TMEM100: variants seen among roughly 807,000 people sequenced by gnomAD.
TMEM100 encodes transmembrane protein 100.
For synonymous variants in TMEM100, 61 were observed against 67.1 expected (o/e 0.91, Z 0.44); for missense variants, 137 against 168.2 (o/e 0.81, Z 1.02).
upstream of TMEM100, among the ~76,000 whole-genome samples, chr17:55,726,314 G>T (rs571206558): frequency 2.6e-5 from 4 of 152,222 alleles, no homozygotes; most frequent in Middle Eastern, 3.4e-3. Flanking sequence ...TTACTTAGGG[G>T]AGAGGGGTCT....
chr17:55,720,568 G>T lies in TMEM100; in HGVS notation c.*98C>A. 3 of 928,890 alleles carry T rather than the reference G, an allele frequency of 3.2e-6. No individual in the cohort carries two copies. Among genetic ancestry groups the T allele is most frequent in the Non-Finnish European group, 4.5e-6 (3 of 668,706 alleles). The allele number at this position is 928,890 out of a possible 1,614,324, so 57.5% of individuals were successfully genotyped here. ...CCCCATTCTTCCAGTCTGCTCCAAC[G>T]CCAAGTCTGTTCTCTCCCACCATGG... On this transcript the variant is annotated 3_prime_UTR_variant, in exon 2 of 2. Transcript: ENST00000424486.
At chr17:55,729,071 T>A (rs1909139529) in intron 1 of TMEM100, among the ~76,000 whole-genome samples, 1 of 152,236 alleles carries the variant, frequency 6.6e-6, no homozygotes, top group Non-Finnish European at 1.5e-5. Flanking sequence ...TTGGACTTTC[T>A]TTTGAGAGCA....
Position 55,720,538 on chromosome 17 carries a change from C to A in TMEM100, c.*128G>T. 168 of 723,970 alleles carry A rather than the reference C, an allele frequency of 2.3e-4. No individual in the cohort carries two copies. Among genetic ancestry groups the A allele is most frequent in the Middle Eastern group, 4.5e-4 (1 of 2,226 alleles). 44.8% of individuals were successfully genotyped at this position (723,970 alleles called of 1,614,324 possible). A position where few individuals can be genotyped will look rare whatever the true frequency, so the allele number is the denominator to read the frequency against. The stretch of plus-strand genomic sequence containing the variant: ...CACAAAGGAGAAGCCCCTCCACCCT[C>A]CCACCCCCATTCTTCCAGTCTGCTC... On this transcript the variant is annotated 3_prime_UTR_variant, in exon 2 of 2. Coordinates refer to ENST00000424486, the MANE Select transcript of TMEM100 (RefSeq NM_018286.3).
At position 55,720,760 on chromosome 17, in the gene TMEM100, G is replaced by A. The variant is rs1002929151; in HGVS notation, c.311C>T (p.Ala104Val). 2.5e-6 allele frequency: 4 copies of A among 1,614,198 alleles called. No homozygotes were observed. The highest frequency in any genetic ancestry group is 4.5e-5 in the East Asian group (2 of 44,882). The part of the protein sequence containing the change: ...SSGLFLLASS[A>V]LCWKVRQRSK... ...CCTTTGTCTCACTTTCCAGCACAAG[G>A]CACTGGAGGCTAGTAAAAAAAGTCC... Residue 104 changes from alanine (A) to valine (V), a missense_variant, in exon 2 of 2, where the codon GCC becomes GTC. Ala to Val is a moderately conservative substitution (Grantham distance 64). Transcript: ENST00000424486.
chr17:55,722,705 T>C lies in TMEM100; in HGVS notation c.-152A>G, dbSNP rs576653351. 2 of 152,176 alleles carry C rather than the reference T, an allele frequency of 1.3e-5. No homozygotes were observed. Among genetic ancestry groups the C allele is most frequent in the Non-Finnish European group, 2.9e-5 (2 of 68,032 alleles). The allele number at this position is 152,176 out of a possible 1,614,324, so 9.4% of individuals were successfully genotyped here. A position where few individuals can be genotyped will look rare whatever the true frequency, so the allele number is the denominator to read the frequency against. ...CGCCTGAGCCTCTTCGTCCAACTTC[T>C]GGGAAAGAGCCTCTAACAGCAAGGC... On this transcript the variant is annotated 5_prime_UTR_variant, in exon 1 of 2. Coordinates refer to ENST00000424486, the MANE Select transcript of TMEM100 (RefSeq NM_018286.3).
rs768283137 is a variant in TMEM100 at position 55,721,035 on chromosome 17, G to A, written c.36C>T (p.Ala12=). 38 of 1,613,404 alleles carry A rather than the reference G, an allele frequency of 2.4e-5. No individual in the cohort carries two copies. The highest frequency in any genetic ancestry group is 1.6e-4 in the Middle Eastern group (1 of 6,078). ...TEEPIKEILG[A]PKAHMAATME... is the part of the protein sequence containing the mutation. ...TCGTCGCTGCCATGTGAGCCTTTGG[G>A]GCTCCCAGGATCTCCTTGATGGGCT... Residue 12 remains alanine (A), a synonymous_variant, in exon 2 of 2, where the codon GCC becomes GCT. Transcript: ENST00000424486.
At chr17:55,723,264 C>T (rs1192651587), upstream of TMEM100, among the ~76,000 whole-genome samples, 1 of 151,768 alleles carries the variant, frequency 6.6e-6, no homozygotes, top group African/African-American at 2.4e-5. Context: ...CATCAGGCAG[C>T]TGAATTCAGT....
upstream of TMEM100, among the ~76,000 whole-genome samples, chr17:55,727,120 G>T (rs961534057): frequency 2.0e-5 from 3 of 152,170 alleles, no homozygotes; most frequent in African/African-American, 4.8e-5. Flanking sequence ...AAATAGAGCT[G>T]AGTAAATAAT....
At chr17:55,731,653 G>A (rs551360844) in intron 1 of TMEM100, 5 of 152,168 alleles carry the variant, frequency 3.3e-5, no homozygotes, top group Non-Finnish European at 2.9e-5. Flanking sequence ...TGCAACATCT[G>A]TCAGCAAAGC....
intron 1 of TMEM100, among the ~76,000 whole-genome samples, chr17:55,731,012 C>T (rs536979661): frequency 1.3e-5 from 2 of 152,222 alleles, no homozygotes; most frequent in South Asian, 4.1e-4. Flanking sequence ...AGAATGAGAA[C>T]ACGATGTTTC....
chr17:55,726,350 G>A (rs1262096882), upstream of TMEM100, among the ~76,000 whole-genome samples: 1 of 152,094 alleles, frequency 6.6e-6, no homozygotes, highest in East Asian at 1.9e-4. Context: ...CAGGGAGCAT[G>A]GTGTGTACTA....
chr17:55,723,919 C>T (rs1908991175), upstream of TMEM100, among the ~76,000 whole-genome samples: 1 of 152,188 alleles, frequency 6.6e-6, no homozygotes, highest in Non-Finnish European at 1.5e-5. Flanking sequence ...TGCTTTCTTA[C>T]AGACAAACTG....
chr17:55,725,448 C>T (rs1909038303), upstream of TMEM100, among the ~76,000 whole-genome samples: 1 of 152,262 alleles, frequency 6.6e-6, no homozygotes, highest in Admixed American at 6.5e-5. Context: ...TTCAACATTT[C>T]CTTCCCAGAT....
In TMEM100 at chr17:55,719,776, A is replaced by C. The variant is rs930421442; in HGVS notation, c.*890T>G. ...GAAGTAATGAAAAACCAATATGATAAAAACAAAAATCCTCCAGTAAAGAAG... is the reference window on the plus strand; with the variant it reads ...GAAGTAATGAAAAACCAATATGATACAAACAAAAATCCTCCAGTAAAGAAG... On this transcript the variant is annotated 3_prime_UTR_variant, in exon 2 of 2. Coordinates refer to ENST00000424486, the MANE Select transcript of TMEM100 (RefSeq NM_018286.3). 6.6e-6 allele frequency: 1 copy of C among 152,564 alleles called. No individual in the cohort carries two copies. Among genetic ancestry groups the C allele is most frequent in the East Asian group, 1.9e-4 (1 of 5,204 alleles). The allele number at this position is 152,564 out of a possible 1,614,324, so 9.5% of individuals were successfully genotyped here. A position where few individuals can be genotyped will look rare whatever the true frequency, so the allele number is the denominator to read the frequency against.
chr17:55,725,343 AG>A (rs1213025334), upstream of TMEM100, among the ~76,000 whole-genome samples: 1 of 152,202 alleles, frequency 6.6e-6, no homozygotes, highest in Non-Finnish European at 1.5e-5. Flanking sequence ...TTCTTTCTAA[AG>A]CACATGGCTT....
chr17:55,726,180 G>A (rs1242876195), upstream of TMEM100, among the ~76,000 whole-genome samples: 7 of 152,130 alleles, frequency 4.6e-5, no homozygotes, highest in African/African-American at 1.2e-4. Flanking sequence ...TCACACCTCC[G>A]AGGTGACCTT....
intron 1 of TMEM100, among the ~76,000 whole-genome samples, chr17:55,730,593 A>G (rs966221000): frequency 6.6e-6 from 1 of 152,102 alleles, no homozygotes. Flanking sequence ...TTGCTTCACC[A>G]GAAAAAAAAA....
At chr17:55,729,510 G>A (rs1429844268) in intron 1 of TMEM100, among the ~76,000 whole-genome samples, 2 of 152,148 alleles carry the variant, frequency 1.3e-5, no homozygotes, top group Non-Finnish European at 2.9e-5. Context: ...GAGAAGGTTG[G>A]CATTACTGCC....
Position 55,719,780 on chromosome 17 carries a change from C to G in TMEM100, c.*886G>C, listed in dbSNP as rs1049262235. 1 of 152,252 alleles carries G rather than the reference C, an allele frequency of 6.6e-6. No individual in the cohort carries two copies. Among genetic ancestry groups the G allele is most frequent in the Non-Finnish European group, 1.5e-5 (1 of 67,950 alleles). The allele number at this position is 152,252 out of a possible 1,614,324, so 9.4% of individuals were successfully genotyped here. On this transcript the variant is annotated 3_prime_UTR_variant, in exon 2 of 2. Coordinates refer to ENST00000424486, the MANE Select transcript of TMEM100 (RefSeq NM_018286.3). ...TAATGAAAAACCAATATGATAAAAA[C>G]AAAAATCCTCCAGTAAAGAAGGAAC...
Sources: allele counts gnomAD v4.1 joint callset (sites outside exome capture counted in the v4.1 genomes callset), GRCh38; gene constraint gnomAD v4.1.1; transcripts MANE v1.5; gene names NCBI Gene and HGNC (gene_info 2026-07-23, HGNC 2026-07-21).